The following NOTCH1 variants were observed in gnomAD, a reference collection of about 807,000 sequenced individuals.
NOTCH1 encodes notch receptor 1.
NOTCH1 carries 37 observed loss-of-function variants against 254.8 expected under a neutral mutation model. The observed-to-expected ratio is 0.15, with a 90% CI of 0.11 to 0.19. The LOEUF (loss-of-function observed/expected upper bound fraction) is 0.19. NOTCH1 is among the 10% of genes least tolerant of loss of function. The pLI is 1.00. For synonymous variants in NOTCH1, 1,731 were observed against 1,618.1 expected, an observed-to-expected ratio of 1.07 and a Z score of -1.68; for missense variants, 2,972 against 3,708.6, an observed-to-expected ratio of 0.80 and a Z score of 5.16.
At chr9:136,544,919 G>A (rs1021559667) in intron 1 of NOTCH1, among the ~76,000 whole-genome samples, 1 of 152,210 alleles carries the variant, frequency 6.6e-6, no homozygotes. Context: ...GGAGGGGGGT[G>A]TGACACAGAG....
intron 15 of NOTCH1, 124 bp from the exon 16 acceptor site, chr9:136,511,395 T>G: frequency 1.5e-6 from 2 of 1,291,824 alleles, no homozygotes; most frequent in African/African-American, 1.5e-5. Context: ...GAGGCAAATG[T>G]GCACCGAGAC....
At chr9:136,508,518 C>G in intron 19 of NOTCH1, 133 bp from the exon 20 acceptor site, 1 of 1,290,002 alleles carries the variant, frequency 7.8e-7, no homozygotes, top group East Asian at 2.4e-5. Flanking sequence ...ACTGCCGCCC[C>G]TGGACTCCCC....
intron 2 of NOTCH1, among the ~76,000 whole-genome samples, chr9:136,531,836 C>T (rs554120396): frequency 5.3e-5 from 8 of 152,364 alleles, no homozygotes; most frequent in Middle Eastern, 3.4e-3. Context: ...AGATGGACGG[C>T]GGCTTCAGTG....
chr9:136,544,821 C>T (rs1843788616), intron 1 of NOTCH1, among the ~76,000 whole-genome samples: 1 of 151,864 alleles, frequency 6.6e-6, no homozygotes. Context: ...ATGAAGGTCC[C>T]CCATTCGGAA....
chr9:136,535,460 T>TGGGTGGG (rs1222875651), intron 2 of NOTCH1, among the ~76,000 whole-genome samples: 1 of 132,064 alleles, frequency 7.6e-6, no homozygotes, highest in African/African-American at 3.2e-5. Flanking sequence ...GGGTGCAGGG[T>TGGGTGGG]AGGCGGGGAG....
At position 136,505,632 on chromosome 9, in the gene NOTCH1, C is replaced by T. The variant is rs1255471066; in HGVS notation, c.4264G>A (p.Gly1422Arg). 8.1e-6 allele frequency: 13 copies of T among 1,612,036 alleles called. No homozygotes were observed. Among genetic ancestry groups the T allele is most frequent in the Non-Finnish European group, 1.1e-5 (13 of 1,179,608 alleles). ...YRCLCPAKFN[G>R]LLCHILDYSF... ...TAGTCCAGGATGTGGCACAAGAGCCCGTTGAATTTGGCGGGGCACAGGCAA... is the reference window on the plus strand; with the variant it reads ...TAGTCCAGGATGTGGCACAAGAGCCTGTTGAATTTGGCGGGGCACAGGCAA... Residue 1422 changes from glycine to arginine, a missense_variant, in exon 25 of 34, where the codon GGG becomes AGG. Gly to Arg is a moderately radical substitution (Grantham distance 125). Coordinates refer to ENST00000651671, the MANE Select transcript of NOTCH1 (RefSeq NM_017617.5).
At chr9:136,521,205 G>A (rs76602727) in intron 4 of NOTCH1, among the ~76,000 whole-genome samples, 266 of 152,240 alleles carry the variant, frequency 1.7e-3, no homozygotes, top group African/African-American at 6.1e-3. Context: ...GGAGGCCCCC[G>A]GATGGTCATC....
chr9:136,496,799 G>C lies in NOTCH1; in HGVS notation c.6940C>G (p.Leu2314Val). ...LNGQCEWLSRLQSGMVPNQYN... is the reference protein window; with the variant it reads ...LNGQCEWLSRVQSGMVPNQYN... ...TGGTTCGGCACCATGCCGCTCTGCA[G>C]CCGGGACAGCCACTCGCATTGACCA... Residue 2314 changes from leucine to valine, a missense_variant, in exon 34 of 34, where the codon CTG becomes GTG. Physicochemically the swap from Leu to Val is conservative, Grantham distance 32. Coordinates refer to ENST00000651671, the MANE Select transcript of NOTCH1 (RefSeq NM_017617.5). The C allele has an allele frequency of 6.2e-7, 1 of 1,612,924 alleles. No individual in the cohort carries two copies. The highest frequency in any genetic ancestry group is 8.5e-7 in the Non-Finnish European group (1 of 1,180,014).
intron 2 of NOTCH1, among the ~76,000 whole-genome samples, chr9:136,533,474 C>T (rs1843594624): frequency 6.6e-6 from 1 of 152,254 alleles, no homozygotes; most frequent in Non-Finnish European, 1.5e-5. Context: ...TGCTGTGCGG[C>T]ACGGGGCTCA....
chr9:136,517,258 G>C lies in NOTCH1; in HGVS notation c.1555+14C>G, dbSNP rs753104831. ...GCAGACGACCCGGGGGCAGGGGGCG[G>C]GGGTGGCCCTCACCCGTGGGGCACT... On this transcript the variant is annotated intron_variant, in intron 9 of 33. Transcript: ENST00000651671. The C allele has an allele frequency of 6.5e-7, 1 of 1,545,764 alleles. No individual in the cohort carries two copies. The highest frequency in any genetic ancestry group is 8.8e-7 in the Non-Finnish European group (1 of 1,130,608).
chr9:136,500,813 G>C lies in NOTCH1; in HGVS notation c.5673C>G (p.Ser1891Arg), dbSNP rs2229972. Reference protein sequence around the residue: ...GFTPLMIASCSGGGLETGNSE... With the variant: ...GFTPLMIASCRGGGLETGNSE... ...TGTTGCCCGTCTCCAGGCCGCCCCC[G>C]CTGCAGGAGGCGATCATGAGCGGGG... The change falls in exon 31 of 34, where the codon AGC (serine) becomes AGG (arginine). Residue 1891 changes from serine (S) to arginine (R), a missense_variant. Physicochemically the swap from Ser to Arg is moderately radical, Grantham distance 110 (BLOSUM62 -1). This residue lies in a region of NOTCH1 where 421 missense variants were observed against 604.4 expected (regional missense o/e 0.70). Transcript: ENST00000651671. 6.3e-7 allele frequency: 1 copy of C among 1,598,426 alleles called. No homozygotes were observed. The highest frequency in any genetic ancestry group is 8.5e-7 in the Non-Finnish European group (1 of 1,179,382).
intron 8 of NOTCH1, 143 bp from the exon 9 acceptor site, chr9:136,517,528 C>CACG: frequency 4.9e-6 from 4 of 816,822 alleles, no homozygotes; most frequent in Non-Finnish European, 7.9e-6. Flanking sequence ...CGCTCCCCTG[C>CACG]AGCCCGTGGC....
At chr9:136,535,511 AGTGGGT>A (rs1564210894) in intron 2 of NOTCH1, among the ~76,000 whole-genome samples, 1 of 16,594 alleles carries the variant, frequency 6.0e-5, no homozygotes. Flanking sequence ...GCAGGGTGGG[AGTGGGT>A]GGAGGGGGGA....
chr9:136,508,650 T>C lies in NOTCH1; in HGVS notation c.3171+220A>G, dbSNP rs3812605. 0.66 allele frequency among the ~76,000 whole-genome samples: 100,837 copies of C among 152,182 alleles called. 35,196 individuals carry two copies. Among genetic ancestry groups the C allele is most frequent in the East Asian group, 0.89 (4,579 of 5,172 alleles). ...CTCAATTCCCCAATTCCTGAGCTCC[T>C]GCCCCGGCTCCAGAAACCTGGGATT... On this transcript the variant is annotated intron_variant, in intron 19 of 33. Coordinates refer to ENST00000651671, the MANE Select transcript of NOTCH1 (RefSeq NM_017617.5).
chr9:136,503,615 A>G (rs1177860699), intron 26 of NOTCH1, among the ~76,000 whole-genome samples: 2 of 152,238 alleles, frequency 1.3e-5, no homozygotes, highest in East Asian at 3.9e-4. Flanking sequence ...GGTGCCACAG[A>G]CACGTTTCCT....
chr9:136,512,616 C>T (rs1843198932), intron 15 of NOTCH1, among the ~76,000 whole-genome samples: 1 of 152,196 alleles, frequency 6.6e-6, no homozygotes, highest in Non-Finnish European at 1.5e-5. Flanking sequence ...CCCCAGAGAC[C>T]CCAGCAGGGT....
In NOTCH1 at chr9:136,501,021, C is replaced by T. The variant is rs3124999; in HGVS notation, c.5639-174G>A. 0.44 allele frequency among the ~76,000 whole-genome samples: 66,484 copies of T among 152,102 alleles called. 15,465 individuals carry two copies. The highest frequency in any genetic ancestry group is 0.88 in the East Asian group (4,555 of 5,176). On this transcript the variant is annotated intron_variant, in intron 30 of 33. Transcript: ENST00000651671. Reference sequence around the variant, plus strand: ...GCAGCTGAAGTCCGCCTGGGCTGCTCAGTGGACAGAGCCGAATCCAGCTTA... The same window carrying T: ...GCAGCTGAAGTCCGCCTGGGCTGCTTAGTGGACAGAGCCGAATCCAGCTTA...
chr9:136,506,945 G>A lies in NOTCH1; in HGVS notation c.3672C>T (p.Asp1224=), dbSNP rs1195787179. Reference sequence around the variant, plus strand: ...ACACGGGGTCAACGGGGGGATTGCAGTCGTCCACGTTGATCTCACAGTGCA... The same window carrying A: ...ACACGGGGTCAACGGGGGGATTGCAATCGTCCACGTTGATCTCACAGTGCA... ...QGVHCEINVD[D]CNPPVDPVSR... Residue 1224 remains aspartate, a synonymous_variant, in exon 23 of 34, where the codon GAC becomes GAT. Coordinates refer to ENST00000651671, the MANE Select transcript of NOTCH1 (RefSeq NM_017617.5). This position sits in a 1 kb window ranked among gnomAD's most constrained non-coding sequence, Gnocchi z 4.5. 2 of 1,610,350 alleles carry A rather than the reference G, an allele frequency of 1.2e-6. No homozygotes were observed. The highest frequency in any genetic ancestry group is 1.7e-6 in the Non-Finnish European group (2 of 1,179,030).
At chr9:136,514,762 A>C (rs2133361562) in intron 12 of NOTCH1, 60 bp from the exon 13 acceptor site, 1 of 1,528,908 alleles carries the variant, frequency 6.5e-7, no homozygotes, top group South Asian at 1.2e-5. Flanking sequence ...ACCCACGTCA[A>C]CCTCGATTTC....
Sources: gnomAD v4.1 joint callset for allele counts (sites outside exome capture counted in the v4.1 genomes callset) on GRCh38, gnomAD v4.1.1 for gene constraint, gnomAD v4.1.1 regional missense constraint, Gnocchi (gnomAD v3.1) non-coding constraint, MANE v1.5 for transcripts, NCBI Gene and HGNC (gene_info 2026-07-23, HGNC 2026-07-21) for gene names.